Variants in AGBL4 observed in about 807,000 individuals in gnomAD.
The protein encoded by AGBL4 is AGBL carboxypeptidase 4.
A neutral mutation model predicts 66.4 loss-of-function variants in AGBL4; 58 were observed. The observed-to-expected ratio is 0.87, with a 90% CI of 0.71 to 1.09. AGBL4 has a LOEUF of 1.09. AGBL4 is among the 50% of genes least tolerant of loss of function. The pLI, the probability that AGBL4 is intolerant of heterozygous loss-of-function variation, is 0.00. For synonymous variants in AGBL4, 234 were observed against 222.9 expected, an observed-to-expected ratio of 1.05 and a Z score of -0.44; for missense variants, 579 against 631.0, an observed-to-expected ratio of 0.92 and a Z score of 0.88.
At chr1:48,926,405 G>A (rs938808555) in intron 5 of AGBL4, among the ~76,000 whole-genome samples, 5 of 151,592 alleles carry the variant, frequency 3.3e-5, no homozygotes, top group African/African-American at 4.8e-5. Context: ...TCAGCCTCCC[G>A]AGTAGCTGGG....
Position 49,831,557 on chromosome 1 carries a change from T to G in AGBL4, c.157+19839A>C, listed in dbSNP as rs116727943. 6.6e-3 allele frequency among the ~76,000 whole-genome samples: 1,007 copies of G among 152,264 alleles called. 7 individuals are homozygous for G. Among genetic ancestry groups the G allele is most frequent in the African/African-American group, 0.023 (946 of 41,546 alleles). ...ATATACAATCATGTCAATATGCAAA[T>G]AGAGACAATTAGACTTCCTCTCTTC... On this transcript the variant is annotated intron_variant, in intron 2 of 13. Transcript: ENST00000371839.
intron 3 of AGBL4, among the ~76,000 whole-genome samples, chr1:49,503,463 G>A (rs999354129): frequency 2.0e-5 from 3 of 152,140 alleles, no homozygotes; most frequent in African/African-American, 4.8e-5. Context: ...GGTGGCCACT[G>A]TCCTCTGGAC....
rs376121155 is a variant in AGBL4, at chr1:48,622,142, C to A, written c.951+12351G>T. ...GCTCTCCTGGTCCAGTCCAGCAAAC[C>A]AAACTCCTTGTAATTCCCTAAGTAT... On this transcript the variant is annotated intron_variant, in intron 9 of 13. Coordinates refer to ENST00000371839, the MANE Select transcript of AGBL4 (RefSeq NM_032785.4). Among the ~76,000 whole-genome samples the A allele has an allele frequency of 5.3e-4, 79 of 149,546 alleles. 1 individual carries two copies. The highest frequency in any genetic ancestry group is 1.4e-3 in the African/African-American group (53 of 38,930).
At chr1:49,296,507 G>C (rs187492766) in intron 3 of AGBL4, among the ~76,000 whole-genome samples, 2 of 152,288 alleles carry the variant, frequency 1.3e-5, no homozygotes, top group East Asian at 3.9e-4. Context: ...TACTTTCTCT[G>C]TGACTTCATT....
intron 1 of AGBL4, among the ~76,000 whole-genome samples, chr1:50,008,036 T>C (rs986756388): frequency 2.0e-5 from 3 of 152,146 alleles, no homozygotes; most frequent in Non-Finnish European, 4.4e-5. Flanking sequence ...GAAAATATTA[T>C]TAGAGTTGAA....
chr1:49,593,751 T>C (rs2124101867), intron 3 of AGBL4, among the ~76,000 whole-genome samples: 1 of 152,288 alleles, frequency 6.6e-6, no homozygotes, highest in Middle Eastern at 3.4e-3. Context: ...TTATAATAAT[T>C]AAGTAAAAAA....
chr1:49,310,056 T>A (rs1003057051), intron 3 of AGBL4, among the ~76,000 whole-genome samples: 31 of 151,996 alleles, frequency 2.0e-4, no homozygotes, highest in African/African-American at 7.0e-4. Flanking sequence ...GCAAAATAGA[T>A]ATCTAAGGAA....
intron 3 of AGBL4, among the ~76,000 whole-genome samples, chr1:49,639,114 A>T (rs1453831008): frequency 6.6e-6 from 1 of 152,170 alleles, no homozygotes. Context: ...TTCAGAATGG[A>T]AACACATCCC....
At chr1:49,038,129 A>C (rs2149045306) in intron 5 of AGBL4, among the ~76,000 whole-genome samples, 1 of 152,272 alleles carries the variant, frequency 6.6e-6, no homozygotes, top group East Asian at 1.9e-4. Flanking sequence ...TGTAAGTCTC[A>C]TGAAGACATG....
At chr1:48,921,188 A>T (rs1654045250) in intron 5 of AGBL4, among the ~76,000 whole-genome samples, 1 of 152,180 alleles carries the variant, frequency 6.6e-6, no homozygotes, top group Admixed American at 6.5e-5. Context: ...GAAGTGGAAC[A>T]CAGAGAAGTA....
intron 6 of AGBL4, among the ~76,000 whole-genome samples, chr1:48,774,292 G>A (rs943695739): frequency 6.6e-6 from 1 of 152,208 alleles, no homozygotes; most frequent in African/African-American, 2.4e-5. Flanking sequence ...TGAAGTCACT[G>A]TAAGCAATTC....
chr1:48,645,076 C>G (rs899871651), intron 8 of AGBL4, among the ~76,000 whole-genome samples: 3 of 152,212 alleles, frequency 2.0e-5, no homozygotes, highest in African/African-American at 7.2e-5. Flanking sequence ...CCACAGACAT[C>G]TAGCCATCTG....
intron 4 of AGBL4, among the ~76,000 whole-genome samples, chr1:49,131,503 G>A (rs1469076478): frequency 6.6e-6 from 1 of 152,066 alleles, no homozygotes; most frequent in Non-Finnish European, 1.5e-5. Flanking sequence ...CTATGTTGGG[G>A]AAATCAGGCA....
intron 6 of AGBL4, among the ~76,000 whole-genome samples, chr1:48,808,793 C>T (rs1040102258): frequency 3.3e-5 from 5 of 152,224 alleles, no homozygotes; most frequent in Non-Finnish European, 7.3e-5. Flanking sequence ...TGAGTAGGCA[C>T]TTTCTCTCCC....
intron 2 of AGBL4, among the ~76,000 whole-genome samples, chr1:49,827,792 C>T (rs1249977941): frequency 6.6e-6 from 1 of 152,140 alleles, no homozygotes; most frequent in African/African-American, 2.4e-5. Flanking sequence ...ACAAGTCATG[C>T]ACAGTAGGAT....
chr1:49,286,905 G>C (rs932319398), intron 3 of AGBL4, among the ~76,000 whole-genome samples: 1 of 152,072 alleles, frequency 6.6e-6, no homozygotes, highest in African/African-American at 2.4e-5. Flanking sequence ...GCATCGCCAA[G>C]TCAATCCTAA....
chr1:49,815,664 C>A (rs141884555), intron 2 of AGBL4, among the ~76,000 whole-genome samples: 136 of 152,164 alleles, frequency 8.9e-4, no homozygotes, highest in African/African-American at 3.1e-3. Flanking sequence ...TTTCCACATT[C>A]TCACCAGCAT....
intron 6 of AGBL4, among the ~76,000 whole-genome samples, chr1:48,759,887 A>C (rs1027288245): frequency 3.3e-5 from 5 of 152,158 alleles, no homozygotes; most frequent in African/African-American, 1.2e-4. Flanking sequence ...CTGCCTACTC[A>C]CTCAGAACTG....
At chr1:49,563,367 C>G (rs201458561) in intron 3 of AGBL4, among the ~76,000 whole-genome samples, 18 of 152,058 alleles carry the variant, frequency 1.2e-4, no homozygotes, top group African/African-American at 3.1e-4. Context: ...TGGTGAGAGA[C>G]GGCATCCCTG....
Sources: gnomAD v4.1 joint callset for allele counts (sites outside exome capture counted in the v4.1 genomes callset) on GRCh38, gnomAD v4.1.1 for gene constraint, MANE v1.5 for transcripts, NCBI Gene and HGNC (gene_info 2026-07-23, HGNC 2026-07-21) for gene names.